Variants in PIK3R3 observed in about 807,000 individuals in gnomAD.
PIK3R3 encodes phosphoinositide-3-kinase regulatory subunit 3.
In PIK3R3, 64 loss-of-function variants were observed where a neutral mutation model predicts 62.9. The observed-to-expected ratio is 1.02, with a 90% CI of 0.83 to 1.25. The LOEUF (loss-of-function observed/expected upper bound fraction) is 1.25. Ranked by LOEUF, PIK3R3 falls within the 50% of genes most tolerant of loss-of-function variation. The pLI, the probability that PIK3R3 is intolerant of heterozygous loss-of-function variation, is 0.00. For missense variants in PIK3R3, 614 were observed against 561.6 expected (o/e 1.09, Z -0.94); for synonymous variants, 165 against 189.0 (o/e 0.87, Z 1.04).
At chr1:46,129,908 C>T (rs1557640772) in intron 1 of PIK3R3, among the ~76,000 whole-genome samples, 1 of 152,154 alleles carries the variant, frequency 6.6e-6, no homozygotes, top group Non-Finnish European at 1.5e-5. Flanking sequence ...TCAGTATGCA[C>T]AATTTCATTC....
chr1:46,134,157 G>A (rs951736804), upstream of PIK3R3, among the ~76,000 whole-genome samples: 3 of 152,200 alleles, frequency 2.0e-5, no homozygotes, highest in Admixed American at 6.5e-5. Flanking sequence ...TTACACAGGA[G>A]TAACAAAGCC....
the PIK3R3 span, among the ~76,000 whole-genome samples, chr1:46,141,231 C>T: frequency 6.6e-6 from 1 of 151,674 alleles, no homozygotes; most frequent in Non-Finnish European, 1.5e-5. Context: ...ATACAACCAC[C>T]ATAATTTAAT....
chr1:46,109,138 G>A (rs1311519256), intron 1 of PIK3R3, among the ~76,000 whole-genome samples: 2 of 149,208 alleles, frequency 1.3e-5, no homozygotes, highest in Admixed American at 6.7e-5. Context: ...CATCCAGCCT[G>A]GGTGACAAAG....
chr1:46,130,941 CT>C (rs1236221616), intron 1 of PIK3R3, among the ~76,000 whole-genome samples: 1 of 152,164 alleles, frequency 6.6e-6, no homozygotes, highest in Non-Finnish European at 1.5e-5. Flanking sequence ...TTCCATTTTG[CT>C]TTCCTTTTCC....
chr1:46,101,368 C>T lies in PIK3R3; in HGVS notation c.107-20618G>A, dbSNP rs191370536. Among the ~76,000 whole-genome samples the T allele has an allele frequency of 1.1e-3, 172 of 151,840 alleles. 2 individuals are homozygous for T. The highest frequency in any genetic ancestry group is 3.3e-3 in the Admixed American group (51 of 15,232). ...AAAAGTAACTGGGTGTGGTGGCATG[C>T]GCCTGTAGTCACAGCTACTCGGGAG... On this transcript the variant is annotated intron_variant, in intron 1 of 9. Coordinates refer to ENST00000262741, the MANE Select transcript of PIK3R3 (RefSeq NM_003629.4).
At chr1:46,086,003 G>A (rs1226116993) in intron 1 of PIK3R3, among the ~76,000 whole-genome samples, 1 of 152,120 alleles carries the variant, frequency 6.6e-6, no homozygotes, top group East Asian at 1.9e-4. Flanking sequence ...GCCTCCCAAA[G>A]TGCTGGGATT....
At chr1:46,077,394 C>A in intron 3 of PIK3R3, 121 bp downstream of exon 3, 1 of 475,342 alleles carries the variant, frequency 2.1e-6, no homozygotes, top group South Asian at 4.2e-5. Context: ...AAATTATGTA[C>A]ATAAATTAAA....
At chr1:46,062,832 G>C (rs1648634638) in intron 5 of PIK3R3, among the ~76,000 whole-genome samples, 1 of 152,212 alleles carries the variant, frequency 6.6e-6, no homozygotes, top group African/African-American at 2.4e-5. Flanking sequence ...GGGTGGGTGG[G>C]TGGATTGGTT....
At chr1:46,060,124 G>A (rs938887669) in intron 6 of PIK3R3, among the ~76,000 whole-genome samples, 1 of 150,982 alleles carries the variant, frequency 6.6e-6, no homozygotes, top group Admixed American at 6.6e-5. Flanking sequence ...AAAACAAAAC[G>A]TTATCATGCT....
At chr1:46,052,010 C>T (rs905899968) in intron 7 of PIK3R3, among the ~76,000 whole-genome samples, 5 of 151,930 alleles carry the variant, frequency 3.3e-5, no homozygotes, top group African/African-American at 1.2e-4. Flanking sequence ...TGGTGGCAGG[C>T]GCCTGTAGTC....
intron 1 of PIK3R3, among the ~76,000 whole-genome samples, chr1:46,098,036 A>G (rs1397896188): frequency 6.6e-6 from 1 of 152,186 alleles, no homozygotes; most frequent in Non-Finnish European, 1.5e-5. Context: ...CTAATAAAAG[A>G]GTTCAACAAG....
chr1:46,132,086 C>G lies in PIK3R3; in HGVS notation c.-134G>C. 2 of 1,436,366 alleles carry G rather than the reference C, an allele frequency of 1.4e-6. No individual in the cohort carries two copies. Among genetic ancestry groups the G allele is most frequent in the South Asian group, 1.5e-5 (1 of 68,928 alleles). 89.0% of individuals were successfully genotyped at this position (1,436,366 alleles called of 1,614,324 possible). Reference sequence around the variant, plus strand: ...ACTTCGGGTTTTCCAACGGCCAGTACCAGTCCGGCCAAACTACCCGAACAG... The same window carrying G: ...ACTTCGGGTTTTCCAACGGCCAGTAGCAGTCCGGCCAAACTACCCGAACAG... On this transcript the variant is annotated 5_prime_UTR_variant, in exon 1 of 10. Coordinates refer to ENST00000262741, the MANE Select transcript of PIK3R3 (RefSeq NM_003629.4).
the PIK3R3 span, among the ~76,000 whole-genome samples, chr1:46,174,480 C>T: frequency 2.6e-5 from 4 of 152,174 alleles, no homozygotes; most frequent in African/African-American, 9.7e-5. Context: ...ACATTAGCCA[C>T]ACTTCCTGAA....
At chr1:46,157,994 GA>G in the PIK3R3 span, among the ~76,000 whole-genome samples, 2 of 152,096 alleles carry the variant, frequency 1.3e-5, no homozygotes, top group African/African-American at 4.8e-5. Context: ...AATCCTTGGG[GA>G]GCAGGTAGCA....
In PIK3R3 at chr1:46,102,402, G is replaced by A. The variant is rs555572714; in HGVS notation, c.107-21652C>T. 3.9e-5 allele frequency among the ~76,000 whole-genome samples: 6 copies of A among 152,218 alleles called. No individual in the cohort carries two copies. The South Asian group carries it at 1.2e-3, about 32-fold the overall frequency. On this transcript the variant is annotated intron_variant, in intron 1 of 9. Coordinates refer to ENST00000262741, the MANE Select transcript of PIK3R3 (RefSeq NM_003629.4). ...TATAAAGGAATCCAACTGTATAGTGGTCTTGGATCCAACAACCTTATTTCA... is the reference window on the plus strand; with the variant it reads ...TATAAAGGAATCCAACTGTATAGTGATCTTGGATCCAACAACCTTATTTCA...
chr1:46,156,238 A>G, the PIK3R3 span, among the ~76,000 whole-genome samples: 1 of 151,624 alleles, frequency 6.6e-6, no homozygotes, highest in East Asian at 1.9e-4. Context: ...TGATGCAAAA[A>G]TTTCCTGTTT....
intron 1 of PIK3R3, among the ~76,000 whole-genome samples, chr1:46,092,739 A>C (rs1242117135): frequency 1.3e-5 from 2 of 152,086 alleles, no homozygotes; most frequent in African/African-American, 4.8e-5. Flanking sequence ...TTACAGCAAT[A>C]CTACCACTGT....
At chr1:46,132,976 C>A (rs1182606082), upstream of PIK3R3, 5 of 1,097,944 alleles carry the variant, frequency 4.6e-6, no homozygotes, top group Non-Finnish European at 5.6e-6. Context: ...GCGAGCCAGG[C>A]GAGGAGGGAG....
chr1:46,122,832 T>C (rs897255197), intron 1 of PIK3R3, among the ~76,000 whole-genome samples: 2 of 152,124 alleles, frequency 1.3e-5, no homozygotes, highest in Non-Finnish European at 2.9e-5. Flanking sequence ...TGATAATAAA[T>C]AATATTAACA....
Sources: gnomAD v4.1 joint callset for allele counts (sites outside exome capture counted in the v4.1 genomes callset) on GRCh38, gnomAD v4.1.1 for gene constraint, MANE v1.5 for transcripts, NCBI Gene and HGNC (gene_info 2026-07-23, HGNC 2026-07-21) for gene names.